The following BNC2 variants were observed in gnomAD, a reference collection of about 807,000 sequenced individuals.
BNC2 encodes basonuclin zinc finger protein 2.
BNC2 carries 20 observed loss-of-function variants against 76.3 expected under a neutral mutation model. That is an observed-to-expected ratio of 0.26 (90% CI 0.18 to 0.38). The LOEUF is 0.38. BNC2 is among the 10% of genes least tolerant of loss of function. The pLI, the probability that BNC2 is intolerant of heterozygous loss-of-function variation, is 1.00. For missense variants in BNC2, 1,382 were observed against 1,399.8 expected (o/e 0.99, Z 0.20); for synonymous variants, 582 against 514.8 (o/e 1.13, Z -1.77).
intron 1 of BNC2, among the ~76,000 whole-genome samples, chr9:16,801,486 T>C (rs1817777250): frequency 6.6e-6 from 1 of 151,848 alleles, no homozygotes; most frequent in South Asian, 2.1e-4. Flanking sequence ...TCTACCCACC[T>C]CAGCCTCCCA....
intron 5 of BNC2, among the ~76,000 whole-genome samples, chr9:16,493,293 T>A (rs773970679): frequency 7.9e-5 from 12 of 152,296 alleles, no homozygotes; most frequent in Non-Finnish European, 1.8e-4. Flanking sequence ...ACATCTACCT[T>A]ATCTGACCAC....
rs34523754 is a variant in BNC2 at position 16,497,978 on chromosome 9, G to GGTGTGTGTGTGT, written c.669+54540_669+54551dup. Among the ~76,000 whole-genome samples the GGTGTGTGTGTGT allele has an allele frequency of 2.9e-3, 394 of 134,858 alleles. 1 individual carries two copies. The highest frequency in any genetic ancestry group is 4.7e-3 in the African/African-American group (179 of 38,126). 88.5% of individuals were successfully genotyped at this position (134,858 alleles called of 152,430 possible). On this transcript the variant is annotated intron_variant, in intron 5 of 6. Transcript: ENST00000380672. ...ATCAATGAGTGGATAAAGAAACTGT[G>GGTGTGTGTGTGT]GTGTGTGTGTGTGTGTGTGTGTGTG...
At chr9:16,632,328 C>A (rs1362455535) in intron 3 of BNC2, among the ~76,000 whole-genome samples, 2 of 152,038 alleles carry the variant, frequency 1.3e-5, no homozygotes, top group African/African-American at 4.8e-5. Flanking sequence ...TTCCGTGGAT[C>A]CCCCACATTC....
At chr9:16,832,416 C>G in intron 1 of BNC2, 1 of 581,700 alleles carries the variant, frequency 1.7e-6, no homozygotes. Flanking sequence ...GAGTTCCTTT[C>G]AAGAACATAG....
intron 5 of BNC2, among the ~76,000 whole-genome samples, chr9:16,451,458 C>G (rs938076428): frequency 6.6e-6 from 1 of 152,152 alleles, no homozygotes; most frequent in South Asian, 2.1e-4. Context: ...CCCTATTGTA[C>G]ACAGAATAAA....
chr9:16,668,483 C>A (rs975935669), intron 3 of BNC2, among the ~76,000 whole-genome samples: 1 of 152,148 alleles, frequency 6.6e-6, no homozygotes, highest in East Asian at 1.9e-4. Context: ...ATTCTGATTT[C>A]AAGTGAGAGT....
At chr9:16,589,877 A>T (rs1819877519) in intron 3 of BNC2, among the ~76,000 whole-genome samples, 1 of 152,172 alleles carries the variant, frequency 6.6e-6, no homozygotes, top group Admixed American at 6.5e-5. Flanking sequence ...TACAATATGA[A>T]TTATGAAATT....
intron 5 of BNC2, among the ~76,000 whole-genome samples, chr9:16,539,572 A>AGC (rs2132338306): frequency 8.4e-6 from 1 of 119,216 alleles, no homozygotes; most frequent in Non-Finnish European, 1.7e-5. Context: ...GGAGAGAGAG[A>AGC]GAGACAGAGA....
chr9:16,824,447 A>G (rs75560932), intron 1 of BNC2, among the ~76,000 whole-genome samples: 9,374 of 152,202 alleles, frequency 0.062, 306 homozygotes, highest in Middle Eastern at 0.13. Context: ...AATCTACTAC[A>G]AGAAAATAAA....
chr9:16,615,097 G>C (rs1285937038), intron 3 of BNC2, among the ~76,000 whole-genome samples: 1 of 151,408 alleles, frequency 6.6e-6, no homozygotes, highest in African/African-American at 2.4e-5. Flanking sequence ...CTAAGCACAA[G>C]GAACACTGCT....
At chr9:16,589,784 A>G (rs1032029145) in intron 3 of BNC2, among the ~76,000 whole-genome samples, 7 of 152,142 alleles carry the variant, frequency 4.6e-5, no homozygotes. Flanking sequence ...CTGGAATTAC[A>G]GGCGTAAGCC....
chr9:16,781,049 C>T (rs1219539797), intron 1 of BNC2, among the ~76,000 whole-genome samples: 2 of 151,838 alleles, frequency 1.3e-5, no homozygotes, highest in African/African-American at 4.8e-5. Flanking sequence ...AGATAAAACG[C>T]TTTATCCAGG....
At chr9:16,590,910 A>G (rs541914225) in intron 3 of BNC2, among the ~76,000 whole-genome samples, 11 of 152,328 alleles carry the variant, frequency 7.2e-5, no homozygotes, top group African/African-American at 2.6e-4. Context: ...TTGCCATAGA[A>G]TACACTGCAA....
At position 16,485,551 on chromosome 9, in the gene BNC2, G is replaced by T. The variant is rs111267351; in HGVS notation, c.670-48027C>A. Among the ~76,000 whole-genome samples the T allele has an allele frequency of 3.9e-5, 6 of 152,146 alleles. No homozygotes were observed. In the East Asian group the frequency reaches 1.2e-3, roughly 29 times the overall value. On this transcript the variant is annotated intron_variant, in intron 5 of 6. Coordinates refer to ENST00000380672, the MANE Select transcript of BNC2 (RefSeq NM_017637.6). ...GGATCATATAGGCTCTGTCAGGGCC[G>T]GTCCTCCACCCCACTGGGCTCATTT...
chr9:16,472,263 TC>T, intron 5 of BNC2, among the ~76,000 whole-genome samples: 1 of 152,260 alleles, frequency 6.6e-6, no homozygotes, highest in African/African-American at 2.4e-5. Flanking sequence ...TACTTCTCCT[TC>T]CCCTCTCACT....
intron 3 of BNC2, among the ~76,000 whole-genome samples, chr9:16,658,709 G>A (rs1054019219): frequency 1.3e-5 from 2 of 152,090 alleles, no homozygotes; most frequent in Admixed American, 6.5e-5. Flanking sequence ...GTCTCTTAAG[G>A]AAAGACTGTA....
At chr9:16,440,082 G>C (rs967719764) in intron 5 of BNC2, among the ~76,000 whole-genome samples, 1 of 152,204 alleles carries the variant, frequency 6.6e-6, no homozygotes, top group Non-Finnish European at 1.5e-5. Flanking sequence ...TAGGTAAATA[G>C]AGAAATAAGT....
In BNC2 at chr9:16,436,967, G is replaced by C; in HGVS notation, c.1227C>G (p.Ala409=). 2 of 1,614,068 alleles carry C rather than the reference G, an allele frequency of 1.2e-6. No individual in the cohort carries two copies. Among genetic ancestry groups the C allele is most frequent in the African/African-American group, 2.7e-5 (2 of 74,998 alleles). The change falls in exon 6 of 7, where the codon GCC becomes GCG. Residue 409 remains alanine (A), a synonymous_variant. Coordinates refer to ENST00000380672, the MANE Select transcript of BNC2 (RefSeq NM_017637.6). ...PACVSPIQNS[A]PVSDLTKTEH... is the part of the protein sequence containing the mutation. Reference sequence around the variant, plus strand: ...CAGTTTTGGTTAGATCACTGACTGGGGCAGAATTCTGAATGGGAGAGACAC... The same window carrying C: ...CAGTTTTGGTTAGATCACTGACTGGCGCAGAATTCTGAATGGGAGAGACAC...
chr9:16,737,238 C>CTTTTTTTTTTTTTT (rs559930240), intron 2 of BNC2, among the ~76,000 whole-genome samples: 1 of 91,302 alleles, frequency 1.1e-5, no homozygotes. Context: ...CACACCTGGC[C>CTTTTTTTTTTTTTT]TTTTTTTTTT....
Sources: gnomAD v4.1 joint callset for allele counts (sites outside exome capture counted in the v4.1 genomes callset) on GRCh38, gnomAD v4.1.1 for gene constraint, MANE v1.5 for transcripts, NCBI Gene and HGNC (gene_info 2026-07-23, HGNC 2026-07-21) for gene names.